MTHFD1L: variants seen among roughly 807,000 people sequenced by gnomAD.
MTHFD1L encodes the protein methylenetetrahydrofolate dehydrogenase (NADP+ dependent) 1 like, also known as monofunctional C1-tetrahydrofolate synthase, mitochondrial.
In MTHFD1L, 81 loss-of-function variants were observed where a neutral mutation model predicts 119.5. The observed-to-expected ratio is 0.68, with a 90% CI of 0.57 to 0.82. MTHFD1L has a LOEUF of 0.82. Ranked by LOEUF, MTHFD1L falls within the 40% of genes least tolerant of loss-of-function variation. The pLI is 0.00. For missense variants in MTHFD1L, 1,125 were observed against 1,253.4 expected (o/e 0.90, Z 1.55); for synonymous variants, 430 against 475.2 (o/e 0.90, Z 1.24).
intron 24 of MTHFD1L, among the ~76,000 whole-genome samples, chr6:151,032,817 G>A (rs569046774): frequency 6.6e-6 from 1 of 152,240 alleles, no homozygotes; most frequent in East Asian, 1.9e-4. Context: ...CAATATTTAT[G>A]TTCCAGACCA....
intron 24 of MTHFD1L, among the ~76,000 whole-genome samples, chr6:151,021,482 A>C (rs1253584993): frequency 2.0e-5 from 3 of 152,186 alleles, no homozygotes; most frequent in Non-Finnish European, 4.4e-5. Flanking sequence ...TGGGAGGTAG[A>C]GGTTGCAGTG....
Position 150,936,848 on chromosome 6 carries a change from T to G in MTHFD1L, c.1301T>G (p.Ile434Ser), listed in dbSNP as rs893396542. The G allele has an allele frequency of 6.2e-6, 10 of 1,613,994 alleles. No individual in the cohort carries two copies. The highest frequency in any genetic ancestry group is 8.5e-6 in the Non-Finnish European group (10 of 1,180,010). The change falls in exon 12 of 28, where the codon ATC becomes AGC. Residue 434 changes from isoleucine (I) to serine (S), a missense_variant. Around this residue, in one of 3 missense-constraint regions of MTHFD1L, gnomAD observed 1,058 missense variants for 1,151.2 expected, o/e 0.92. Coordinates refer to ENST00000367321, the MANE Select transcript of MTHFD1L (RefSeq NM_015440.5). ...GGAGAAGGGAAGAGCACAGTCACCA[T>G]CGGGCTTGTGCAGGCTCTGACCGCA... ...PLGEGKSTVT[I>S]GLVQALTAHL...
chr6:150,945,142 C>T (rs1026894675), intron 14 of MTHFD1L, among the ~76,000 whole-genome samples: 1 of 152,216 alleles, frequency 6.6e-6, no homozygotes, highest in Admixed American at 6.5e-5. Flanking sequence ...AACAAGGGTC[C>T]TCACTTTCTT....
Position 150,944,905 on chromosome 6 carries a change from G to T in MTHFD1L, c.1548+312G>T, listed in dbSNP as rs2128958115. 2.0e-5 allele frequency among the ~76,000 whole-genome samples: 3 copies of T among 152,300 alleles called. 1 individual carries two copies. In the East Asian group the frequency reaches 5.8e-4, roughly 29 times the overall value. ...CCAGTTCTCTTCATTCTGGTCATAG[G>T]TCCAATCTCTGATCTGTTCTAAGGG... On this transcript the variant is annotated intron_variant, in intron 14 of 27. Transcript: ENST00000367321.
Position 150,964,899 on chromosome 6 carries a change from A to C in MTHFD1L, c.1945-70A>C, listed in dbSNP as rs1796973494. On this transcript the variant is annotated intron_variant, in intron 18 of 27. Transcript: ENST00000367321. ...CCACCCAAGAAGCAGGCTGGAGAGA[A>C]GTGCCAAGGGGTTAACCATTGCCTG... The C allele has an allele frequency of 4.7e-6, 7 of 1,486,002 alleles. No homozygotes were observed. The South Asian group carries it at 5.7e-5, about 12-fold the overall frequency. The allele number at this position is 1,486,002 out of a possible 1,614,324, so 92.1% of individuals were successfully genotyped here. A position where few individuals can be genotyped will look rare whatever the true frequency, so the allele number is the denominator to read the frequency against.
chr6:151,066,437 CAAAAAAAAAAAA>C (rs35065800), intron 26 of MTHFD1L, among the ~76,000 whole-genome samples: 2 of 50,686 alleles, frequency 3.9e-5, no homozygotes, highest in East Asian at 1.4e-3. Context: ...GACTCCATCT[CAAAAAAAAAAAA>C]AAAAAAAAAA....
chr6:150,888,171 A>C (rs1292198676), intron 7 of MTHFD1L, among the ~76,000 whole-genome samples, 190 bp downstream of exon 7: 2 of 152,260 alleles, frequency 1.3e-5, no homozygotes, highest in African/African-American at 2.4e-5. Context: ...AGGTGGTTTT[A>C]CAAATGAGCT....
chr6:150,998,060 C>T (rs780133335), intron 20 of MTHFD1L, among the ~76,000 whole-genome samples: 3 of 152,160 alleles, frequency 2.0e-5, no homozygotes, highest in Non-Finnish European at 4.4e-5. Context: ...TATATGACAC[C>T]ATGTGTGTGC....
At chr6:150,943,748 T>G (rs985852012) in intron 13 of MTHFD1L, among the ~76,000 whole-genome samples, 4 of 152,124 alleles carry the variant, frequency 2.6e-5, no homozygotes, top group African/African-American at 9.7e-5. Context: ...TGGAAGTTTG[T>G]AGGAAGATGA....
chr6:151,015,980 G>A (rs1238537531), intron 24 of MTHFD1L, among the ~76,000 whole-genome samples: 3 of 152,080 alleles, frequency 2.0e-5, no homozygotes, highest in African/African-American at 4.8e-5. Context: ...CCAGCTACTC[G>A]GGAGGCTGAG....
intron 21 of MTHFD1L, among the ~76,000 whole-genome samples, chr6:151,013,134 CT>C (rs1300802991): frequency 6.6e-6 from 1 of 152,216 alleles, no homozygotes; most frequent in African/African-American, 2.4e-5. Context: ...AATGCCAGCA[CT>C]TTGAGAGGCC....
rs1790099253 is a variant in MTHFD1L, at chr6:150,926,956, G to C, written c.1256+661G>C. On this transcript the variant is annotated intron_variant, in intron 11 of 27. Transcript: ENST00000367321. The surrounding 1 kb of genome is among the most constrained non-coding windows in gnomAD (Gnocchi z 4.3). ...TTCAAATATTTATTCAGTGTGACCTGAGGGAACATCATGAGACCATATAAA... is the reference window on the plus strand; with the variant it reads ...TTCAAATATTTATTCAGTGTGACCTCAGGGAACATCATGAGACCATATAAA... Among the ~76,000 whole-genome samples, 1 of 152,166 alleles carries C rather than the reference G, an allele frequency of 6.6e-6. No homozygotes were observed. The highest frequency in any genetic ancestry group is 1.5e-5 in the Non-Finnish European group (1 of 68,032).
intron 20 of MTHFD1L, among the ~76,000 whole-genome samples, chr6:150,980,250 A>G (rs1777253761): frequency 6.6e-6 from 1 of 152,330 alleles, no homozygotes; most frequent in African/African-American, 2.4e-5. Context: ...CCCTGTCTTC[A>G]GGAAGGCTTA....
chr6:150,883,540 C>T (rs561948283), intron 5 of MTHFD1L, among the ~76,000 whole-genome samples: 2 of 152,254 alleles, frequency 1.3e-5, no homozygotes, highest in African/African-American at 4.8e-5. Context: ...AACTTAGAAA[C>T]CTGATTCCCC....
At chr6:150,936,560 G>A (rs1333184459) in intron 11 of MTHFD1L, among the ~76,000 whole-genome samples, 2 of 152,306 alleles carry the variant, frequency 1.3e-5, no homozygotes, top group East Asian at 3.9e-4. Context: ...TGAAACTGAT[G>A]TTGTTATTAG....
intron 7 of MTHFD1L, among the ~76,000 whole-genome samples, chr6:150,894,911 A>T (rs1299712702): frequency 6.6e-6 from 1 of 152,054 alleles, no homozygotes; most frequent in Non-Finnish European, 1.5e-5. Context: ...ATTGAGAATA[A>T]ATTTCCTGTT....
intron 26 of MTHFD1L, among the ~76,000 whole-genome samples, chr6:151,086,162 A>G (rs574377498): frequency 6.6e-6 from 1 of 152,294 alleles, no homozygotes; most frequent in East Asian, 1.9e-4. Flanking sequence ...ACAGCGGTGC[A>G]GGTTCCCAGC....
rs145449908 is a variant in MTHFD1L at position 150,941,288 on chromosome 6, G to A, written c.1440+2543G>A. 6.7e-3 allele frequency among the ~76,000 whole-genome samples: 1,020 copies of A among 152,304 alleles called. 8 individuals are homozygous for A. The highest frequency in any genetic ancestry group is 0.023 in the African/African-American group (969 of 41,562). ...GGTGGCTGGAGCCCCGTGGGCCAGC[G>A]GGAGTTGGGGGGGTTGAGGTAGAGA... On this transcript the variant is annotated intron_variant, in intron 13 of 27. Transcript: ENST00000367321.
At chr6:150,892,265 A>G (rs558537694) in intron 7 of MTHFD1L, among the ~76,000 whole-genome samples, 3 of 152,256 alleles carry the variant, frequency 2.0e-5, no homozygotes, top group Non-Finnish European at 2.9e-5. Flanking sequence ...TGTCACAGAT[A>G]CTTTTGCTAG....
Sources: gnomAD v4.1 joint callset for allele counts (sites outside exome capture counted in the v4.1 genomes callset) on GRCh38, gnomAD v4.1.1 for gene constraint, gnomAD v4.1.1 regional missense constraint, Gnocchi (gnomAD v3.1) non-coding constraint, MANE v1.5 for transcripts, NCBI Gene and HGNC (gene_info 2026-07-23, HGNC 2026-07-21) for gene names.